Variants in IL1RAPL2 observed in about 807,000 individuals in gnomAD.
IL1RAPL2 encodes the protein X-linked interleukin-1 receptor accessory protein-like 2.
A neutral mutation model predicts 44.1 loss-of-function variants in IL1RAPL2; 3 were observed. The observed-to-expected ratio is 0.07, with a 90% CI of 0.03 to 0.18. The LOEUF (loss-of-function observed/expected upper bound fraction) is 0.18, where lower values mean the gene tolerates loss of function less well. Ranked by LOEUF, IL1RAPL2 falls within the 10% of genes least tolerant of loss-of-function variation. The pLI, the probability that IL1RAPL2 is intolerant of heterozygous loss-of-function variation, is 1.00. For synonymous variants in IL1RAPL2, 181 were observed against 178.8 expected (o/e 1.01, Z -0.10); for missense variants, 391 against 496.4 (o/e 0.79, Z 2.02).
At chrX:104,918,954 A>T (rs925827201) in intron 2 of IL1RAPL2, among the ~76,000 whole-genome samples, 21 of 112,073 alleles carry the variant, frequency 1.9e-4, no homozygotes, top group Middle Eastern at 4.6e-3. Context: ...TTTAATGAAT[A>T]TGGTTTGAAA....
intron 8 of IL1RAPL2, among the ~76,000 whole-genome samples, chrX:105,743,969 T>C (rs2038520520): frequency 8.9e-6 from 1 of 111,815 alleles, no homozygotes; most frequent in Non-Finnish European, 1.9e-5. Flanking sequence ...TACTGAATTT[T>C]TTAAGAAGAG....
chrX:105,277,223 A>G lies in IL1RAPL2; in HGVS notation c.697+9682A>G, dbSNP rs1337761013. ...TCTGAATGTACGTGTCCTGATTATC[A>G]CATGAACATGTACCTCATTTGTACC... On this transcript the variant is annotated intron_variant, in intron 5 of 10. Coordinates refer to ENST00000372582, the MANE Select transcript of IL1RAPL2 (RefSeq NM_017416.2). 5.3e-5 allele frequency among the ~76,000 whole-genome samples: 6 copies of G among 112,349 alleles called. No individual in the cohort carries two copies. The Admixed American group carries it at 5.7e-4, about 11-fold the overall frequency.
chrX:105,247,494 A>T (rs932454098), intron 4 of IL1RAPL2, among the ~76,000 whole-genome samples: 1 of 110,614 alleles, frequency 9.0e-6, no homozygotes, highest in Admixed American at 9.7e-5. Context: ...AAAGAGGTTA[A>T]GTGACTTGCT....
chrX:105,758,250 G>A (rs2038656296), intron 10 of IL1RAPL2, among the ~76,000 whole-genome samples: 2 of 111,521 alleles, frequency 1.8e-5, no homozygotes. Context: ...AATTTTCTAT[G>A]AATCAAATTA....
intron 1 of IL1RAPL2, among the ~76,000 whole-genome samples, chrX:104,603,636 G>A (rs1419749916): frequency 8.9e-6 from 1 of 111,761 alleles, no homozygotes. Flanking sequence ...GAAAAACACA[G>A]CAAGAGAACT....
At chrX:105,128,937 G>A (rs947599267) in intron 2 of IL1RAPL2, among the ~76,000 whole-genome samples, 2 of 111,517 alleles carry the variant, frequency 1.8e-5, no homozygotes, top group Admixed American at 1.9e-4. Flanking sequence ...GACTAGGGAA[G>A]AATAGAAGAA....
chrX:105,225,648 A>G (rs1181823687), intron 3 of IL1RAPL2, among the ~76,000 whole-genome samples: 3 of 106,489 alleles, frequency 2.8e-5, no homozygotes, highest in Non-Finnish European at 5.8e-5. Context: ...TCAAAGGTGT[A>G]TGTATAGAAA....
chrX:104,800,005 G>C (rs1446267548), intron 2 of IL1RAPL2, among the ~76,000 whole-genome samples: 1 of 93,135 alleles, frequency 1.1e-5, no homozygotes, highest in African/African-American at 4.0e-5. Flanking sequence ...TGTGATTTCA[G>C]GGATTTACCT....
chrX:105,178,580 C>T (rs977798104), intron 2 of IL1RAPL2, among the ~76,000 whole-genome samples: 1 of 111,529 alleles, frequency 9.0e-6, no homozygotes, highest in Non-Finnish European at 1.9e-5. Context: ...TACTGTTTTC[C>T]ATAATGGCTG....
chrX:105,031,478 C>T (rs1375292989), intron 2 of IL1RAPL2, among the ~76,000 whole-genome samples: 5 of 111,496 alleles, frequency 4.5e-5, no homozygotes, highest in Non-Finnish European at 9.4e-5. Flanking sequence ...TGTCAAAGGC[C>T]TTTTCTGCAT....
At chrX:105,210,585 C>A (rs1429009317) in intron 3 of IL1RAPL2, among the ~76,000 whole-genome samples, 1 of 110,485 alleles carries the variant, frequency 9.1e-6, no homozygotes, top group Admixed American at 9.6e-5. Flanking sequence ...CACAGGATGG[C>A]CCCCAGAAAT....
intron 7 of IL1RAPL2, among the ~76,000 whole-genome samples, chrX:105,736,729 G>C (rs1388098680): frequency 8.9e-6 from 1 of 111,829 alleles, no homozygotes; most frequent in Non-Finnish European, 1.9e-5. Context: ...AGCAGATGTT[G>C]GTGAGGTTGC....
intron 5 of IL1RAPL2, among the ~76,000 whole-genome samples, chrX:105,300,797 A>G (rs750765435): frequency 8.1e-5 from 9 of 111,040 alleles, no homozygotes; most frequent in African/African-American, 1.3e-4. Context: ...ATCCTAGTAA[A>G]CCAGTCTCCC....
At chrX:104,718,505 A>G (rs768496951) in intron 2 of IL1RAPL2, among the ~76,000 whole-genome samples, 1 of 110,657 alleles carries the variant, frequency 9.0e-6, no homozygotes, top group South Asian at 3.9e-4. Flanking sequence ...TGTTCTCATG[A>G]TAGTGAGGGA....
chrX:105,361,575 G>A (rs1054694614), intron 5 of IL1RAPL2, among the ~76,000 whole-genome samples: 7 of 111,120 alleles, frequency 6.3e-5, no homozygotes, highest in East Asian at 2.8e-4. Context: ...ACTGTATGTC[G>A]TAGTTAGAGA....
intron 6 of IL1RAPL2, among the ~76,000 whole-genome samples, chrX:105,522,150 C>A (rs2036563438): frequency 9.0e-6 from 1 of 111,624 alleles, no homozygotes; most frequent in Non-Finnish European, 1.9e-5. Flanking sequence ...TATTCTGTGA[C>A]TATGGTAAGC....
Position 105,714,878 on chromosome X carries a change from T to C in IL1RAPL2, c.773-2489T>C, listed in dbSNP as rs905453581. Among the ~76,000 whole-genome samples the C allele has an allele frequency of 2.7e-5, 3 of 112,386 alleles. No individual in the cohort carries two copies. The Admixed American group carries it at 2.8e-4, about 11-fold the overall frequency. On this transcript the variant is annotated intron_variant, in intron 6 of 10. Transcript: ENST00000372582. ...CTTAACTCCCATTCAAAAAGAAGTA[T>C]ACTGGAATGCATATGTGTAAGAGTG... is the stretch of plus-strand genomic sequence containing the variant.
intron 1 of IL1RAPL2, among the ~76,000 whole-genome samples, chrX:104,636,326 G>C (rs979624896): frequency 4.5e-5 from 5 of 112,288 alleles, no homozygotes; most frequent in Non-Finnish European, 5.6e-5. Flanking sequence ...TCCATTCTTA[G>C]ATCTCCAGCT....
At chrX:105,028,409 A>G (rs920644950) in intron 2 of IL1RAPL2, among the ~76,000 whole-genome samples, 2 of 111,846 alleles carry the variant, frequency 1.8e-5, no homozygotes, top group Non-Finnish European at 3.8e-5. Flanking sequence ...TGCTTATTTC[A>G]TAGTACATGC....
Sources: allele counts gnomAD v4.1 joint callset (sites outside exome capture counted in the v4.1 genomes callset), GRCh38; gene constraint gnomAD v4.1.1; transcripts MANE v1.5; gene names NCBI Gene and HGNC (gene_info 2026-07-23, HGNC 2026-07-21).